TMCO4: variants seen among roughly 807,000 people sequenced by gnomAD.
TMCO4 encodes the protein transmembrane and coiled-coil domain-containing protein 4.
Under a neutral mutation model 64.7 loss-of-function variants are expected in TMCO4, and 58 were observed. The observed-to-expected ratio is 0.90, with a 90% CI of 0.73 to 1.12. The LOEUF (loss-of-function observed/expected upper bound fraction) is 1.12. Ranked by LOEUF, TMCO4 falls within the 50% of genes most tolerant of loss-of-function variation. The probability of loss-of-function intolerance (pLI) is 0.00; values close to 1 mark genes in which losing one functional copy is unlikely to be tolerated. For missense variants in TMCO4, 780 were observed against 825.9 expected (o/e 0.94, Z 0.68); for synonymous variants, 325 against 346.1 (o/e 0.94, Z 0.68).
intron 6 of TMCO4, 130 bp downstream of exon 6, chr1:19,770,412 G>T: frequency 1.1e-6 from 1 of 927,178 alleles, no homozygotes; most frequent in Non-Finnish European, 1.8e-6. Context: ...ATGACATCAG[G>T]TTCCTTTCCT....
chr1:19,727,320 A>T (rs906759015), intron 13 of TMCO4, among the ~76,000 whole-genome samples: 1 of 152,166 alleles, frequency 6.6e-6, no homozygotes, highest in Admixed American at 6.5e-5. Context: ...GAGCAGTAAG[A>T]ACTTCCTTTA....
At chr1:19,780,538 T>C in intron 4 of TMCO4, 42 bp downstream of exon 4, 1 of 1,544,850 alleles carries the variant, frequency 6.5e-7, no homozygotes, top group Non-Finnish European at 8.7e-7. Flanking sequence ...GTTGTTCCCC[T>C]GAAGAAGCAT....
chr1:19,779,409 G>A (rs184357773), intron 4 of TMCO4, among the ~76,000 whole-genome samples: 2 of 152,222 alleles, frequency 1.3e-5, no homozygotes, highest in Middle Eastern at 3.4e-3. Context: ...GGATGACTCC[G>A]TTGGCCTCCT....
chr1:19,777,026 C>CAAAAAAAAAA (rs59722797), intron 4 of TMCO4, among the ~76,000 whole-genome samples: 14 of 82,776 alleles, frequency 1.7e-4, no homozygotes, highest in Non-Finnish European at 2.3e-4. Context: ...GACACTGTCT[C>CAAAAAAAAAA]AAAAAAAAAA....
At chr1:19,787,641 A>C (rs868613150) in intron 2 of TMCO4, among the ~76,000 whole-genome samples, 10 of 152,244 alleles carry the variant, frequency 6.6e-5, no homozygotes, top group South Asian at 2.1e-4. Context: ...GGAAGGGCCA[A>C]GCATCTGGAA....
intron 13 of TMCO4, among the ~76,000 whole-genome samples, chr1:19,730,637 C>A (rs577997729): frequency 6.6e-6 from 1 of 152,274 alleles, no homozygotes; most frequent in East Asian, 1.9e-4. Flanking sequence ...TAAGGGGCAC[C>A]TTGGGAAGGG....
intron 13 of TMCO4, among the ~76,000 whole-genome samples, chr1:19,724,069 G>C (rs1013095497): frequency 4.6e-5 from 7 of 152,344 alleles, no homozygotes; most frequent in Middle Eastern, 3.4e-3. Context: ...GTCTTGGAAA[G>C]AGCCTGGGGG....
intron 10 of TMCO4, among the ~76,000 whole-genome samples, chr1:19,741,591 C>T (rs546962152): frequency 4.3e-4 from 65 of 152,194 alleles, no homozygotes; most frequent in Admixed American, 4.1e-3. Context: ...GATGCCAAGT[C>T]GGAAAGTATA....
chr1:19,711,862 G>C (rs1034603814), intron 13 of TMCO4, among the ~76,000 whole-genome samples: 7 of 152,246 alleles, frequency 4.6e-5, no homozygotes, highest in African/African-American at 1.4e-4. Context: ...TCTCCATGTT[G>C]GTCAGGCTGG....
At chr1:19,788,478 T>C (rs935418668) in intron 2 of TMCO4, among the ~76,000 whole-genome samples, 4 of 152,296 alleles carry the variant, frequency 2.6e-5, no homozygotes, top group African/African-American at 7.2e-5. Context: ...GGGACCGGGA[T>C]TGGATTCTGG....
intron 13 of TMCO4, among the ~76,000 whole-genome samples, chr1:19,726,632 T>C (rs1326112485): frequency 1.3e-5 from 2 of 152,130 alleles, no homozygotes; most frequent in Non-Finnish European, 2.9e-5. Flanking sequence ...AAATAAGGCA[T>C]GTGAAGTGTT....
intron 13 of TMCO4, among the ~76,000 whole-genome samples, chr1:19,714,698 G>A (rs962017115): frequency 3.9e-5 from 6 of 152,130 alleles, no homozygotes; most frequent in Admixed American, 2.0e-4. Flanking sequence ...TGAGGCGAGC[G>A]GGTCACCTGA....
intron 11 of TMCO4, among the ~76,000 whole-genome samples, chr1:19,740,182 C>T (rs556425051): frequency 6.6e-6 from 1 of 152,238 alleles, no homozygotes; most frequent in East Asian, 1.9e-4. Context: ...GTGAGATGGC[C>T]CCAATTCGTC....
intron 6 of TMCO4, among the ~76,000 whole-genome samples, chr1:19,762,731 G>T (rs188244741): frequency 6.6e-6 from 1 of 152,194 alleles, no homozygotes; most frequent in Non-Finnish European, 1.5e-5. Context: ...AATCAGGAGC[G>T]GGGGGCAGGA....
chr1:19,759,297 A>T (rs2042399508), intron 6 of TMCO4, among the ~76,000 whole-genome samples: 1 of 151,908 alleles, frequency 6.6e-6, no homozygotes, highest in South Asian at 2.1e-4. Flanking sequence ...CCACAGCCAC[A>T]GCCCTCGCTC....
chr1:19,751,108 C>A (rs2042003470), intron 7 of TMCO4, among the ~76,000 whole-genome samples: 1 of 152,232 alleles, frequency 6.6e-6, no homozygotes, highest in Admixed American at 6.5e-5. Context: ...ACGGACCAAG[C>A]CATTTCCAAC....
chr1:19,701,665 G>A (rs2095273152), intron 13 of TMCO4, among the ~76,000 whole-genome samples: 1 of 152,138 alleles, frequency 6.6e-6, no homozygotes, highest in Non-Finnish European at 1.5e-5. Flanking sequence ...TGCATGCCAG[G>A]TGGGAGACAC....
intron 3 of TMCO4, among the ~76,000 whole-genome samples, chr1:19,785,360 TTTTG>T (rs1201747755): frequency 2.0e-5 from 3 of 152,230 alleles, no homozygotes; most frequent in Admixed American, 6.5e-5. Context: ...AATAATGTTT[TTTTG>T]TTTGTTTCTT....
In TMCO4 at chr1:19,734,606, G is replaced by A. The variant is rs1021745248; in HGVS notation, c.1264+2766C>T. 6.6e-6 allele frequency among the ~76,000 whole-genome samples: 1 copy of A among 151,932 alleles called. No individual in the cohort carries two copies. Among genetic ancestry groups the A allele is most frequent in the African/African-American group, 2.4e-5 (1 of 41,348 alleles). On this transcript the variant is annotated intron_variant, in intron 13 of 15. Transcript: ENST00000294543. The surrounding 1 kb of genome is among the most constrained non-coding windows in gnomAD (Gnocchi z 4.4). ...TAGCATTTCCCACCAACCCACCTGG[G>A]GGGCCTCTTACGTGGGCTGCAGAGA...
Sources: gnomAD v4.1 joint callset for allele counts (sites outside exome capture counted in the v4.1 genomes callset) on GRCh38, gnomAD v4.1.1 for gene constraint, Gnocchi (gnomAD v3.1) non-coding constraint, MANE v1.5 for transcripts, NCBI Gene and HGNC (gene_info 2026-07-23, HGNC 2026-07-21) for gene names.